Variants in TMEM181 observed in about 807,000 individuals in gnomAD.
TMEM181 encodes the protein transmembrane protein 181.
TMEM181 carries 39 observed loss-of-function variants against 71.9 expected under a neutral mutation model. That is an observed-to-expected ratio of 0.54 (90% CI 0.42 to 0.71). The LOEUF (loss-of-function observed/expected upper bound fraction) is 0.71, where lower values mean the gene tolerates loss of function less well. Among genes scored for constraint, TMEM181 ranks in the 30% least tolerant of loss-of-function variants. The pLI is 0.00. For missense variants in TMEM181, 595 were observed against 583.0 expected, an observed-to-expected ratio of 1.02 and a Z score of -0.21; for synonymous variants, 245 against 228.8, an observed-to-expected ratio of 1.07 and a Z score of -0.64.
chr6:158,541,138 G>A (rs9457399), intron 1 of TMEM181, among the ~76,000 whole-genome samples: 22,931 of 152,040 alleles, frequency 0.15, 2,298 homozygotes, highest in Non-Finnish European at 0.21. Flanking sequence ...GGAGCAGGCC[G>A]GGTGTGGTGG....
At chr6:158,559,293 A>G (rs1002702566), upstream of TMEM181, among the ~76,000 whole-genome samples, 8 of 152,228 alleles carry the variant, frequency 5.3e-5, no homozygotes, top group African/African-American at 1.4e-4. Flanking sequence ...CACTGAGGGC[A>G]GGAACTGTTC....
intron 1 of TMEM181, among the ~76,000 whole-genome samples, chr6:158,554,603 C>T (rs1248427832): frequency 1.3e-5 from 2 of 152,184 alleles, no homozygotes; most frequent in Non-Finnish European, 2.9e-5. Flanking sequence ...TTTCCAACAA[C>T]CTATTCACAA....
chr6:158,625,733 C>T lies in TMEM181; in HGVS notation c.1088C>T (p.Thr363Ile). The stretch of plus-strand genomic sequence containing the variant: ...AGGTTGAAATTTTTGACTGCATTGA[C>T]TTTCGTAGTACTTGTCATTAGGTAA... ...DLRLKFLTAL[T>I]FVVLVISIAI... The change falls in exon 13 of 17, where the codon ACT becomes ATT. Residue 363 changes from threonine to isoleucine, a missense_variant. By Grantham distance (89) the Thr-to-Ile change is moderately conservative. Transcript: ENST00000684151. The T allele has an allele frequency of 1.9e-6, 3 of 1,611,028 alleles. No individual in the cohort carries two copies. Among genetic ancestry groups the T allele is most frequent in the Non-Finnish European group, 2.5e-6 (3 of 1,179,306 alleles).
At position 158,634,701 on chromosome 6, in the gene TMEM181, T is replaced by G. The variant is rs903809484; in HGVS notation, c.*2813T>G. ...ATACTATGTTCAAGGTTTGTAAGGT[T>G]GTTAATGTACATAATTGCAGATTGC... On this transcript the variant is annotated 3_prime_UTR_variant, in exon 17 of 17. Coordinates refer to ENST00000684151, the MANE Select transcript of TMEM181 (RefSeq NM_001376852.1). 2.0e-5 allele frequency: 3 copies of G among 152,236 alleles called. No homozygotes were observed. The highest frequency in any genetic ancestry group is 2.4e-5 in the African/African-American group (1 of 41,476). 9.4% of individuals were successfully genotyped at this position (152,236 alleles called of 1,614,324 possible). A position where few individuals can be genotyped will look rare whatever the true frequency, so the allele number is the denominator to read the frequency against.
Position 158,579,207 on chromosome 6 carries a change from C to T in TMEM181, c.113-1733C>T, listed in dbSNP as rs937020216. Among the ~76,000 whole-genome samples, 7 of 150,482 alleles carry T rather than the reference C, an allele frequency of 4.7e-5. No homozygotes were observed. In the South Asian group the frequency reaches 6.3e-4, roughly 13 times the overall value. Reference sequence around the variant, plus strand: ...CCAGGAGGCGGAGGTTGCAGTGAGCCGAGATCACGCTATTGTACTCCAGCC... The same window carrying T: ...CCAGGAGGCGGAGGTTGCAGTGAGCTGAGATCACGCTATTGTACTCCAGCC... On this transcript the variant is annotated intron_variant, in intron 2 of 16. Transcript: ENST00000684151.
rs1264346087 is a variant in TMEM181 at position 158,633,444 on chromosome 6, CTG to C, written c.*1559_*1560del. 3 of 152,234 alleles carry C rather than the reference CTG, an allele frequency of 2.0e-5. No individual in the cohort carries two copies. Among genetic ancestry groups the C allele is most frequent in the East Asian group, 1.9e-4 (1 of 5,188 alleles). The allele number at this position is 152,234 out of a possible 1,614,324, so 9.4% of individuals were successfully genotyped here. A position where few individuals can be genotyped will look rare whatever the true frequency, so the allele number is the denominator to read the frequency against. ...TCACACTTCTGTTAACATCTGGTAA[CTG>C]TGGGCAACCTGACTGATGCCGTCTT... On this transcript the variant is annotated 3_prime_UTR_variant, in exon 17 of 17. Coordinates refer to ENST00000684151, the MANE Select transcript of TMEM181 (RefSeq NM_001376852.1).
chr6:158,626,213 G>A (rs549270602), intron 13 of TMEM181, among the ~76,000 whole-genome samples: 72 of 152,336 alleles, frequency 4.7e-4, no homozygotes, highest in South Asian at 6.2e-4. Context: ...AGGGAGTGGC[G>A]TCAGCCTGAG....
At chr6:158,557,957 C>A (rs923207893), upstream of TMEM181, among the ~76,000 whole-genome samples, 1 of 152,214 alleles carries the variant, frequency 6.6e-6, no homozygotes, top group African/African-American at 2.4e-5. Flanking sequence ...GTTTGAAGAA[C>A]AAATAAATGA....
At chr6:158,624,596 C>T (rs954451857) in intron 11 of TMEM181, among the ~76,000 whole-genome samples, 3 of 152,224 alleles carry the variant, frequency 2.0e-5, no homozygotes, top group Non-Finnish European at 4.4e-5. Flanking sequence ...GAATTGTGCA[C>T]TTTTAGACCT....
intron 3 of TMEM181, among the ~76,000 whole-genome samples, chr6:158,581,750 T>A (rs1783492220): frequency 3.5e-5 from 1 of 28,216 alleles, no homozygotes. Flanking sequence ...TGAGACTCTG[T>A]CTCAAAAAAA....
rs1055062911 is a variant in TMEM181, at chr6:158,634,963, T to G, written c.*3075T>G. The stretch of plus-strand genomic sequence containing the variant: ...TTTAGTGAAGATGAGACTTAAAACA[T>G]GAAAGTGTATTTGTGTATTTTGAGG... On this transcript the variant is annotated 3_prime_UTR_variant, in exon 17 of 17. Coordinates refer to ENST00000684151, the MANE Select transcript of TMEM181 (RefSeq NM_001376852.1). The G allele has an allele frequency of 1.3e-5, 2 of 151,966 alleles. No homozygotes were observed. The highest frequency in any genetic ancestry group is 2.4e-5 in the African/African-American group (1 of 41,372). The allele number at this position is 151,966 out of a possible 1,614,324, so 9.4% of individuals were successfully genotyped here.
At chr6:158,625,869 T>C (rs894610343) in intron 13 of TMEM181, 115 bp downstream of exon 13, 15 of 944,358 alleles carry the variant, frequency 1.6e-5, no homozygotes, top group Non-Finnish European at 2.4e-5. Flanking sequence ...CCCAGTAGAC[T>C]CATGAGGTTA....
chr6:158,608,057 T>G (rs1275147333), intron 8 of TMEM181, among the ~76,000 whole-genome samples: 4 of 152,250 alleles, frequency 2.6e-5, no homozygotes, highest in Admixed American at 2.0e-4. Flanking sequence ...GGCTTTTAGG[T>G]GTTTTGGAAA....
chr6:158,561,891 G>A (rs1782200423), intron 1 of TMEM181, among the ~76,000 whole-genome samples: 1 of 152,152 alleles, frequency 6.6e-6, no homozygotes, highest in Non-Finnish European at 1.5e-5. Context: ...ACTGAGAAGA[G>A]TTTGGTAGCA....
intron 10 of TMEM181, chr6:158,610,080 C>T (rs372655837): frequency 1.8e-5 from 4 of 219,722 alleles, no homozygotes; most frequent in Non-Finnish European, 2.9e-5. Flanking sequence ...AGCAGATCCT[C>T]GTCAGCTTGC....
intron 10 of TMEM181, among the ~76,000 whole-genome samples, chr6:158,613,477 G>A (rs574269826): frequency 2.4e-3 from 363 of 152,320 alleles, no homozygotes; most frequent in African/African-American, 8.4e-3. Flanking sequence ...AAATACCTAT[G>A]AGTTGGGTGA....
chr6:158,552,549 T>A (rs1036689845), intron 1 of TMEM181, among the ~76,000 whole-genome samples: 1 of 152,186 alleles, frequency 6.6e-6, no homozygotes, highest in Admixed American at 6.5e-5. Context: ...CAAGTTACAC[T>A]GGAGGAAAAG....
intron 1 of TMEM181, among the ~76,000 whole-genome samples, chr6:158,568,879 G>C (rs569283926): frequency 1.3e-5 from 2 of 152,310 alleles, no homozygotes; most frequent in South Asian, 4.1e-4. Flanking sequence ...ATGTTTTGTT[G>C]TTTTGCCCAT....
rs1299071930 is a variant in TMEM181 at position 158,635,407 on chromosome 6, T to C, written c.*3519T>C. 6.6e-6 allele frequency: 1 copy of C among 152,224 alleles called. No individual in the cohort carries two copies. The highest frequency in any genetic ancestry group is 2.4e-5 in the African/African-American group (1 of 41,458). 9.4% of individuals were successfully genotyped at this position (152,224 alleles called of 1,614,324 possible). A position where few individuals can be genotyped will look rare whatever the true frequency, so the allele number is the denominator to read the frequency against. ...ATTCTGACACTACCTTTCTGGGAAA[T>C]GTTAATAAATTTTTAATATTCACTT... On this transcript the variant is annotated 3_prime_UTR_variant, in exon 17 of 17. Coordinates refer to ENST00000684151, the MANE Select transcript of TMEM181 (RefSeq NM_001376852.1).
Sources: gnomAD v4.1 joint callset for allele counts (sites outside exome capture counted in the v4.1 genomes callset) on GRCh38, gnomAD v4.1.1 for gene constraint, MANE v1.5 for transcripts, NCBI Gene and HGNC (gene_info 2026-07-23, HGNC 2026-07-21) for gene names.